The following STPG2 variants were observed in gnomAD, a reference collection of about 807,000 sequenced individuals.
STPG2 encodes the protein sperm tail PG-rich repeat containing 2, also known as sperm-tail PG-rich repeat-containing protein 2.
In STPG2, 56 loss-of-function variants were observed where a neutral mutation model predicts 54.2. The observed-to-expected ratio is 1.03, with a 90% CI of 0.83 to 1.29. STPG2 has a LOEUF of 1.29. STPG2 is among the 50% of genes most tolerant of loss of function. The pLI, the probability that STPG2 is intolerant of heterozygous loss-of-function variation, is 0.00. For missense variants in STPG2, 596 were observed against 544.9 expected, an observed-to-expected ratio of 1.09 and a Z score of -0.93; for synonymous variants, 200 against 181.8, an observed-to-expected ratio of 1.10 and a Z score of -0.81.
At chr4:97,547,926 G>A (rs548114619) in intron 4 of STPG2, among the ~76,000 whole-genome samples, 3 of 152,182 alleles carry the variant, frequency 2.0e-5, no homozygotes, top group East Asian at 3.9e-4. Context: ...TGAGGCAGGC[G>A]GAACACCTGA....
rs534251513 is a variant in STPG2 at position 97,973,479 on chromosome 4, C to T, written c.773-1039G>A. Among the ~76,000 whole-genome samples the T allele has an allele frequency of 4.6e-5, 7 of 152,278 alleles. No individual in the cohort carries two copies. In the South Asian group the frequency reaches 1.5e-3, roughly 32 times the overall value. On this transcript the variant is annotated intron_variant, in intron 6 of 10. Transcript: ENST00000295268. The stretch of plus-strand genomic sequence containing the variant: ...TGACAATGATAGAAAAACAAAAACC[C>T]ATTTTCTGAGGAGAAATTCAAGCTG...
intron 3 of STPG2, among the ~76,000 whole-genome samples, chr4:98,121,369 A>G (rs886527240): frequency 1.6e-5 from 2 of 126,730 alleles, no homozygotes; most frequent in Admixed American, 1.5e-4. Context: ...TCTTGGCTAT[A>G]CAGACTCTTT....
chr4:97,698,679 A>T (rs1723666108), intron 10 of STPG2, among the ~76,000 whole-genome samples: 1 of 152,122 alleles, frequency 6.6e-6, no homozygotes, highest in Non-Finnish European at 1.5e-5. Context: ...GGGAGAAACA[A>T]TGCCATATAT....
chr4:97,678,612 G>A (rs1308336395), intron 10 of STPG2, among the ~76,000 whole-genome samples: 1 of 150,944 alleles, frequency 6.6e-6, no homozygotes, highest in Non-Finnish European at 1.5e-5. Context: ...TTTATTTTTT[G>A]ACTTCTTTTA....
intron 4 of STPG2, among the ~76,000 whole-genome samples, chr4:97,492,430 T>C (rs1730521786): frequency 6.6e-6 from 1 of 151,516 alleles, no homozygotes; most frequent in African/African-American, 2.4e-5. Flanking sequence ...GCCTAGATAT[T>C]TGACTCCAAG....
chr4:97,700,144 T>C (rs7655974), intron 10 of STPG2, among the ~76,000 whole-genome samples: 89,516 of 151,920 alleles, frequency 0.59, 26,679 homozygotes, highest in South Asian at 0.68. Flanking sequence ...ATCCTAGAGG[T>C]CTCTGCTGTG....
At chr4:97,676,034 T>C (rs1449060599) in intron 10 of STPG2, among the ~76,000 whole-genome samples, 1 of 145,726 alleles carries the variant, frequency 6.9e-6, no homozygotes, top group Non-Finnish European at 1.5e-5. Flanking sequence ...ATAAATTTAG[T>C]ATATATAATT....
At chr4:97,949,943 G>A (rs1462890277) in intron 7 of STPG2, among the ~76,000 whole-genome samples, 2 of 151,864 alleles carry the variant, frequency 1.3e-5, no homozygotes, top group Non-Finnish European at 2.9e-5. Flanking sequence ...CTTGTATTTG[G>A]ATATCTAAAT....
Position 97,613,584 on chromosome 4 carries a change from G to A in STPG2, c.1321-54467C>T, listed in dbSNP as rs933657867. Among the ~76,000 whole-genome samples, 9 of 151,398 alleles carry A rather than the reference G, an allele frequency of 5.9e-5. No homozygotes were observed. In the South Asian group the frequency reaches 6.3e-4, roughly 11 times the overall value. ...GGTTTACATTCCATCTCCTGGAGGT[G>A]GAAGTTTCTATATAGAATATTTAAA... On this transcript the variant is annotated intron_variant, in intron 10 of 10. Transcript: ENST00000295268.
intron 5 of STPG2, among the ~76,000 whole-genome samples, chr4:98,060,777 C>A (rs927480776): frequency 6.6e-6 from 1 of 152,058 alleles, no homozygotes; most frequent in Admixed American, 6.6e-5. Context: ...CCTAAAACCA[C>A]CTGATCTTCT....
chr4:97,802,962 T>C (rs1727443592), intron 9 of STPG2, among the ~76,000 whole-genome samples: 2 of 152,200 alleles, frequency 1.3e-5, no homozygotes, highest in Admixed American at 1.3e-4. Context: ...TAGTTATATA[T>C]AACAGTGTCA....
intron 10 of STPG2, among the ~76,000 whole-genome samples, chr4:97,567,223 C>A (rs1197724164): frequency 6.6e-6 from 1 of 150,940 alleles, no homozygotes; most frequent in African/African-American, 2.4e-5. Flanking sequence ...CACACACACA[C>A]ACCCTTTAAA....
chr4:97,902,331 G>T (rs575467870), intron 8 of STPG2, among the ~76,000 whole-genome samples: 1 of 151,920 alleles, frequency 6.6e-6, no homozygotes, highest in Non-Finnish European at 1.5e-5. Flanking sequence ...AAGCTTCTGC[G>T]CTGCAAAGGA....
At chr4:97,909,474 C>A (rs1309068226) in intron 8 of STPG2, among the ~76,000 whole-genome samples, 8 of 151,994 alleles carry the variant, frequency 5.3e-5, no homozygotes, top group African/African-American at 1.9e-4. Flanking sequence ...TGACCATAAC[C>A]ATGACATCAA....
chr4:97,585,839 T>C (rs1732983885), intron 10 of STPG2, among the ~76,000 whole-genome samples: 1 of 151,928 alleles, frequency 6.6e-6, no homozygotes. Flanking sequence ...GATCAGGTAC[T>C]GTGCGCTGAA....
chr4:97,635,490 C>T (rs561273342), intron 10 of STPG2, among the ~76,000 whole-genome samples: 19 of 152,068 alleles, frequency 1.2e-4, no homozygotes, highest in Non-Finnish European at 2.6e-4. Flanking sequence ...ACACATAACC[C>T]TATTAACTTT....
intron 9 of STPG2, among the ~76,000 whole-genome samples, chr4:97,728,618 C>A (rs1237583647): frequency 4.0e-5 from 6 of 151,784 alleles, no homozygotes; most frequent in Non-Finnish European, 8.8e-5. Context: ...CCTTATTTGG[C>A]CCAGAAAGAG....
At chr4:97,954,949 G>T (rs1214174781) in intron 7 of STPG2, among the ~76,000 whole-genome samples, 2 of 152,040 alleles carry the variant, frequency 1.3e-5, no homozygotes, top group African/African-American at 4.8e-5. Flanking sequence ...TTAAAACTAT[G>T]ATTAATGTGT....
At chr4:98,071,406 C>T in intron 5 of STPG2, among the ~76,000 whole-genome samples, 1 of 152,036 alleles carries the variant, frequency 6.6e-6, no homozygotes, top group East Asian at 1.9e-4. Context: ...ACACCTTATA[C>T]AAAAATTAAC....
Sources: gnomAD v4.1 joint callset for allele counts (sites outside exome capture counted in the v4.1 genomes callset) on GRCh38, gnomAD v4.1.1 for gene constraint, MANE v1.5 for transcripts, NCBI Gene and HGNC (gene_info 2026-07-23, HGNC 2026-07-21) for gene names.